The following TOP1MT variants were observed in gnomAD, a reference collection of about 807,000 sequenced individuals.
TOP1MT encodes the protein DNA topoisomerase I mitochondrial.
Under a neutral mutation model 73.9 loss-of-function variants are expected in TOP1MT, and 80 were observed. The observed-to-expected ratio is 1.08, with a 90% CI of 0.90 to 1.30. TOP1MT has a LOEUF of 1.30. Among genes scored for constraint, TOP1MT ranks in the 50% most tolerant of loss-of-function variants. The pLI, the probability that TOP1MT is intolerant of heterozygous loss-of-function variation, is 0.00. For missense variants in TOP1MT, 815 were observed against 808.0 expected (o/e 1.01, Z -0.10); for synonymous variants, 338 against 326.4 (o/e 1.04, Z -0.38).
chr8:143,332,218 C>T (rs185053415), intron 1 of TOP1MT, among the ~76,000 whole-genome samples: 45 of 152,324 alleles, frequency 3.0e-4, no homozygotes, highest in Non-Finnish European at 5.3e-4. Flanking sequence ...AAAACCCATA[C>T]GAAGGGCTCA....
Position 143,325,388 on chromosome 8 carries a change from T to G in TOP1MT, c.629A>C (p.Lys210Thr). Residue 210 changes from lysine (K) to threonine (T), a missense_variant, in exon 5 of 14, where the codon AAG becomes ACG. By Grantham distance (78) the Lys-to-Thr change is moderately conservative. Around this residue, in one of 3 missense-constraint regions of TOP1MT, gnomAD observed 751 missense variants for 725.4 expected, o/e 1.04. Coordinates refer to ENST00000329245, the MANE Select transcript of TOP1MT (RefSeq NM_052963.3). ...CACATCCTCTGGCGTGATCCTTCTCTTCAGCATCCCCATCTTGGGATGGTC... is the reference window on the plus strand; with the variant it reads ...CACATCCTCTGGCGTGATCCTTCTCGTCAGCATCCCCATCTTGGGATGGTC... ...RGDHPKMGML[K>T]RRITPEDVVI... 6.2e-7 allele frequency: 1 copy of G among 1,610,170 alleles called. No homozygotes were observed. Among genetic ancestry groups the G allele is most frequent in the Non-Finnish European group, 8.5e-7 (1 of 1,176,922 alleles).
At chr8:143,332,593 C>A (rs1194709504) in intron 1 of TOP1MT, 1 of 1,288,210 alleles carries the variant, frequency 7.8e-7, no homozygotes. Context: ...CAGGAAGTCT[C>A]TGAAGGGTCT....
chr8:143,329,369 A>T lies in TOP1MT; in HGVS notation c.341T>A (p.Phe114Tyr). ...ACCTACCTTTCGCCAGTCATTGAAG[A>T]AGTTCTTCCGGAAAACCTCCTTTGT... is the stretch of plus-strand genomic sequence containing the variant. ...YTTKEVFRKNFFNDWRKEMAV... is the reference protein window; with the variant it reads ...YTTKEVFRKNYFNDWRKEMAV... The change falls in exon 3 of 14, where the codon TTC (phenylalanine) becomes TAC (tyrosine). Residue 114 changes from phenylalanine (F) to tyrosine (Y), a missense_variant. Phe to Tyr is a conservative substitution (Grantham distance 22). Around this residue, in one of 3 missense-constraint regions of TOP1MT, gnomAD observed 751 missense variants for 725.4 expected, o/e 1.04. Coordinates refer to ENST00000329245, the MANE Select transcript of TOP1MT (RefSeq NM_052963.3). The T allele has an allele frequency of 6.2e-7, 1 of 1,607,508 alleles. No individual in the cohort carries two copies. The highest frequency in any genetic ancestry group is 8.5e-7 in the Non-Finnish European group (1 of 1,178,204).
At chr8:143,318,291 C>T (rs1327065408) in intron 8 of TOP1MT, among the ~76,000 whole-genome samples, 2 of 152,328 alleles carry the variant, frequency 1.3e-5, no homozygotes, top group South Asian at 2.1e-4. Flanking sequence ...CACGCACAGG[C>T]AGCGTGCTCA....
intron 1 of TOP1MT, chr8:143,333,666 C>G (rs1285091846): frequency 6.6e-6 from 1 of 152,318 alleles, no homozygotes; most frequent in East Asian, 1.9e-4. Context: ...TTCTTTCACC[C>G]CTGCAGAGAC....
At chr8:143,326,138 C>T in intron 4 of TOP1MT, 84 bp downstream of exon 4, 1 of 1,509,706 alleles carries the variant, frequency 6.6e-7, no homozygotes, top group South Asian at 1.2e-5. Context: ...TCTAAGGCCA[C>T]AGGCCTTTCT....
In TOP1MT at chr8:143,321,361, T is replaced by G; in HGVS notation, c.986A>C (p.Lys329Thr). The change falls in exon 8 of 14, where the codon AAG (lysine) becomes ACG (threonine). Residue 329 changes from lysine (K) to threonine (T), a missense_variant. Around this residue, in one of 3 missense-constraint regions of TOP1MT, gnomAD observed 751 missense variants for 725.4 expected, o/e 1.04. Coordinates refer to ENST00000329245, the MANE Select transcript of TOP1MT (RefSeq NM_052963.3). ...DKLALRAGNE[K>T]EDGEAADTVG... ...GGTGTCGGCCGCCTCACCGTCCTCC[T>G]TCTCATTTCCTGCTCTCAGTGCCAG... The G allele has an allele frequency of 1.3e-6, 2 of 1,593,244 alleles. 1 individual carries two copies. Among genetic ancestry groups the G allele is most frequent in the East Asian group, 4.5e-5 (2 of 44,428 alleles).
At chr8:143,322,126 C>T (rs1486321944) in intron 7 of TOP1MT, among the ~76,000 whole-genome samples, 527 of 42,750 alleles carry the variant, frequency 0.012, 20 homozygotes, top group African/African-American at 0.027. Context: ...GCCACACACA[C>T]AGGCACGCCA....
chr8:143,321,939 C>G (rs1447144194), intron 7 of TOP1MT, among the ~76,000 whole-genome samples: 2 of 61,462 alleles, frequency 3.3e-5, no homozygotes, highest in African/African-American at 8.4e-5. Context: ...ACGCCACACA[C>G]GCACGCCACA....
At chr8:143,321,945 CCACA>C (rs746430390) in intron 7 of TOP1MT, among the ~76,000 whole-genome samples, 1 of 85,122 alleles carries the variant, frequency 1.2e-5, no homozygotes, top group African/African-American at 5.0e-5. Context: ...CACACGCACG[CCACA>C]CACGCACGCC....
upstream of TOP1MT, among the ~76,000 whole-genome samples, chr8:143,339,372 C>T (rs1817035850): frequency 6.6e-6 from 1 of 152,222 alleles, no homozygotes; most frequent in African/African-American, 2.4e-5. Flanking sequence ...TGGCTGCGTA[C>T]AGGACACAGC....
chr8:143,323,470 A>G (rs1459518173), intron 7 of TOP1MT, among the ~76,000 whole-genome samples: 1 of 67,572 alleles, frequency 1.5e-5, no homozygotes, highest in Non-Finnish European at 2.8e-5. Flanking sequence ...ACACATGCTC[A>G]CCACACACGC....
intron 8 of TOP1MT, among the ~76,000 whole-genome samples, chr8:143,318,831 C>A (rs1414212441): frequency 1.3e-5 from 2 of 152,188 alleles, no homozygotes; most frequent in Non-Finnish European, 2.9e-5. Context: ...TGGCGGGAAG[C>A]CCCAGCCCAC....
chr8:143,347,376 T>C (rs1217114022), upstream of TOP1MT, among the ~76,000 whole-genome samples: 1 of 152,228 alleles, frequency 6.6e-6, no homozygotes, highest in East Asian at 1.9e-4. Context: ...AGGATGGTCT[T>C]GATCTCCTGA....
At chr8:143,321,935 C>A (rs1816420328) in intron 7 of TOP1MT, among the ~76,000 whole-genome samples, 1 of 55,724 alleles carries the variant, frequency 1.8e-5, no homozygotes, top group Non-Finnish European at 4.7e-5. Flanking sequence ...ATGCACGCCA[C>A]ACACGCACGC....
At chr8:143,309,957 G>A (rs1217149672) in intron 13 of TOP1MT, 111 bp downstream of exon 13, 2 of 1,596,922 alleles carry the variant, frequency 1.3e-6, no homozygotes, top group Non-Finnish European at 8.5e-7. Context: ...GGCCTGTGCT[G>A]ACCCCAGGGG....
intron 1 of TOP1MT, chr8:143,350,414 C>G (rs1817300990): frequency 6.6e-6 from 1 of 152,266 alleles, no homozygotes; most frequent in South Asian, 2.1e-4. Flanking sequence ...TCACTGCAAC[C>G]TCCATCTCCC....
chr8:143,334,873 C>A lies in TOP1MT; in HGVS notation c.-12G>T, dbSNP rs760972151. ...CGCACCACGCGCATCTGCCAGCCTC[C>A]GGGAAAGAGCGACAAGCTGGGCCCC... On this transcript the variant is annotated 5_prime_UTR_variant, in exon 1 of 14. Transcript: ENST00000329245. The A allele has an allele frequency of 5.4e-6, 8 of 1,468,470 alleles. No homozygotes were observed. Among genetic ancestry groups the A allele is most frequent in the Admixed American group, 2.6e-5 (1 of 37,748 alleles). 91.0% of individuals were successfully genotyped at this position (1,468,470 alleles called of 1,614,324 possible).
At chr8:143,342,876 C>A (rs1432121301) in intron 2 of TOP1MT, among the ~76,000 whole-genome samples, 1 of 151,038 alleles carries the variant, frequency 6.6e-6, no homozygotes. Context: ...CCTCTGCCTC[C>A]CGGGTTCAAG....
Sources: gnomAD v4.1 joint callset for allele counts (sites outside exome capture counted in the v4.1 genomes callset) on GRCh38, gnomAD v4.1.1 for gene constraint, gnomAD v4.1.1 regional missense constraint, MANE v1.5 for transcripts, NCBI Gene and HGNC (gene_info 2026-07-23, HGNC 2026-07-21) for gene names.